Variants in SAG observed in about 807,000 individuals in gnomAD.
SAG encodes S-arrestin.
SAG carries 45 observed loss-of-function variants against 55.0 expected under a neutral mutation model. The observed-to-expected ratio is 0.82, with a 90% confidence interval of 0.64 to 1.05. SAG has a LOEUF of 1.05. SAG is among the 50% of genes least tolerant of loss of function. The probability of loss-of-function intolerance (pLI) is 0.00; values close to 1 mark genes in which losing one functional copy is unlikely to be tolerated. For missense variants in SAG, 455 were observed against 512.1 expected, an observed-to-expected ratio of 0.89 and a Z score of 1.08; for synonymous variants, 189 against 197.4, an observed-to-expected ratio of 0.96 and a Z score of 0.36.
At chr2:233,342,204 G>C (rs893220808) in intron 13 of SAG, 67 bp from the exon 14 acceptor site, 25 of 1,199,932 alleles carry the variant, frequency 2.1e-5, no homozygotes, top group Non-Finnish European at 3.0e-5. Context: ...GCAGCCATAG[G>C]TCTTTGCTGT....
rs1157497786 is a variant in SAG, at chr2:233,346,218, G to T, written c.1103-185G>T. 4 of 434,610 alleles carry T rather than the reference G, an allele frequency of 9.2e-6. No individual in the cohort carries two copies. The East Asian group carries it at 1.4e-4, about 16-fold the overall frequency. 26.9% of individuals were successfully genotyped at this position (434,610 alleles called of 1,614,324 possible). A position where few individuals can be genotyped will look rare whatever the true frequency, so the allele number is the denominator to read the frequency against. Reference sequence around the variant, plus strand: ...TGCAAGGAGAAAAGCTGTTCCAGTGGGAAAGGCAGGGAGGCAGGAATTACA... The same window carrying T: ...TGCAAGGAGAAAAGCTGTTCCAGTGTGAAAGGCAGGGAGGCAGGAATTACA... On this transcript the variant is annotated intron_variant, in intron 14 of 15. Coordinates refer to ENST00000409110, the MANE Select transcript of SAG (RefSeq NM_000541.5).
intron 10 of SAG, 97 bp downstream of exon 10, chr2:233,331,809 C>G (rs554100196): frequency 1.1e-6 from 1 of 878,618 alleles, no homozygotes; most frequent in Non-Finnish European, 1.9e-6. Flanking sequence ...GAATGTTCAG[C>G]TAGCTCGCCA....
At chr2:233,337,762 T>C (rs1028981523) in intron 11 of SAG, among the ~76,000 whole-genome samples, 5 of 152,198 alleles carry the variant, frequency 3.3e-5, no homozygotes, top group Non-Finnish European at 7.3e-5. Context: ...TTTCTTGGGC[T>C]TTTTTTCTAT....
At chr2:233,314,014 G>A (rs1203963357) in intron 2 of SAG, among the ~76,000 whole-genome samples, 2 of 151,962 alleles carry the variant, frequency 1.3e-5, no homozygotes, top group African/African-American at 2.4e-5. Context: ...GAGCCCAGGA[G>A]TTTGAGACCA....
chr2:233,336,093 G>A (rs754922579), intron 11 of SAG, among the ~76,000 whole-genome samples: 10 of 152,200 alleles, frequency 6.6e-5, no homozygotes, highest in African/African-American at 1.2e-4. Context: ...GTGAAGCTCC[G>A]GGAGAGAGAA....
rs1574954634 is a variant in SAG at position 233,340,547 on chromosome 2, A to G, written c.1046+69A>G. On this transcript the variant is annotated intron_variant, in intron 13 of 15. Transcript: ENST00000409110. This position sits in a 1 kb window ranked among gnomAD's most constrained non-coding sequence, Gnocchi z 4.2. ...CAAAGGCAGCAAACTTGGGGCTCCA[A>G]AACGGTTTCTGATGAAAGCTGCTTT... 3.1e-6 allele frequency: 4 copies of G among 1,300,738 alleles called. No individual in the cohort carries two copies. Among genetic ancestry groups the G allele is most frequent in the Non-Finnish European group, 4.4e-6 (4 of 909,984 alleles). 80.6% of individuals were successfully genotyped at this position (1,300,738 alleles called of 1,614,324 possible).
chr2:233,321,935 G>C (rs1700391275), intron 5 of SAG, among the ~76,000 whole-genome samples: 1 of 151,474 alleles, frequency 6.6e-6, no homozygotes, highest in Non-Finnish European at 1.5e-5. Context: ...CCGAGGTCAG[G>C]AGATTGAGAC....
intron 14 of SAG, chr2:233,343,081 G>GTTTTTTTTTTTTTTTTTTTTTTTT (rs34180640): frequency 9.6e-6 from 1 of 104,342 alleles, no homozygotes. Flanking sequence ...TTTTTTTGGG[G>GTTTTTTTTTTTTTTTTTTTTTTTT]TTTTTTTTTT....
chr2:233,334,763 T>G, intron 10 of SAG, 199 bp from the exon 11 acceptor site: 1 of 585,846 alleles, frequency 1.7e-6, no homozygotes, highest in Non-Finnish European at 3.1e-6. Flanking sequence ...AATATCCTCC[T>G]GTTGCTGCCA....
intron 14 of SAG, chr2:233,346,180 A>AAAATATG: frequency 3.7e-6 from 1 of 273,590 alleles, no homozygotes; most frequent in East Asian, 6.3e-5. Context: ...AATAAAATAT[A>AAAATATG]AAATAAATAA....
chr2:233,311,392 C>T (rs1700071836), intron 2 of SAG, among the ~76,000 whole-genome samples: 1 of 152,138 alleles, frequency 6.6e-6, no homozygotes, highest in African/African-American at 2.4e-5. Context: ...TTTCCCAAGA[C>T]TCTTCTCTCA....
intron 6 of SAG, among the ~76,000 whole-genome samples, chr2:233,326,653 C>T (rs917935412): frequency 6.6e-6 from 1 of 152,060 alleles, no homozygotes; most frequent in Non-Finnish European, 1.5e-5. Context: ...ATGAGGCTGC[C>T]GCTGAACAGC....
At chr2:233,309,354 C>A in intron 2 of SAG, 90 bp downstream of exon 2, 1 of 1,221,930 alleles carries the variant, frequency 8.2e-7, no homozygotes, top group South Asian at 1.3e-5. Flanking sequence ...TGATCAACAT[C>A]AAAACTCTTT....
At chr2:233,311,502 C>T (rs1700074071) in intron 2 of SAG, among the ~76,000 whole-genome samples, 1 of 152,164 alleles carries the variant, frequency 6.6e-6, no homozygotes, top group Admixed American at 6.5e-5. Flanking sequence ...AAGAATCGTA[C>T]CCTGGAGCCG....
Position 233,319,182 on chromosome 2 carries a change from C to G in SAG, c.181+387C>G, listed in dbSNP as rs1464781867. ...CACAAGACCTTGAATGAATGAGGGG[C>G]GAGTGAGTGGGCAGTGTTTCTTCTG... On this transcript the variant is annotated intron_variant, in intron 4 of 15. Transcript: ENST00000409110. This position sits in a 1 kb window ranked among gnomAD's most constrained non-coding sequence, Gnocchi z 4.4. Among the ~76,000 whole-genome samples, 1 of 151,870 alleles carries G rather than the reference C, an allele frequency of 6.6e-6. No homozygotes were observed. The highest frequency in any genetic ancestry group is 1.5e-5 in the Non-Finnish European group (1 of 67,982).
chr2:233,342,369 T>A, intron 14 of SAG, 43 bp downstream of exon 14: 1 of 1,453,226 alleles, frequency 6.9e-7, no homozygotes, highest in Non-Finnish European at 9.5e-7. Flanking sequence ...TATTTGCTAC[T>A]TGCAGATTTA....
chr2:233,322,348 T>C (rs909519935), intron 5 of SAG, among the ~76,000 whole-genome samples: 14 of 152,152 alleles, frequency 9.2e-5, no homozygotes, highest in Non-Finnish European at 4.4e-5. Context: ...GTGTACATTA[T>C]AGAGCCCTAA....
At chr2:233,310,219 A>G (rs541174156) in intron 2 of SAG, among the ~76,000 whole-genome samples, 1 of 152,248 alleles carries the variant, frequency 6.6e-6, no homozygotes, top group Non-Finnish European at 1.5e-5. Flanking sequence ...CTAGCTCAGC[A>G]ACATCTAGTG....
chr2:233,326,721 G>A (rs769200429), intron 6 of SAG, among the ~76,000 whole-genome samples: 5 of 152,148 alleles, frequency 3.3e-5, no homozygotes, highest in African/African-American at 9.7e-5. Context: ...GGACCCCAGC[G>A]CTGGCCCTGT....
Sources: allele counts gnomAD v4.1 joint callset (sites outside exome capture counted in the v4.1 genomes callset), GRCh38; gene constraint gnomAD v4.1.1; non-coding constraint Gnocchi (gnomAD v3.1); transcripts MANE v1.5; gene names NCBI Gene and HGNC (gene_info 2026-07-23, HGNC 2026-07-21).